ABCA8: variants seen among roughly 807,000 people sequenced by gnomAD.
ABCA8 encodes the protein ABC-type organic anion transporter ABCA8.
ABCA8 carries 177 observed loss-of-function variants against 192.3 expected under a neutral mutation model. The ratio of observed to expected loss-of-function variants is 0.92; its 90% CI spans 0.81 to 1.04. The LOEUF (loss-of-function observed/expected upper bound fraction) is 1.04, where lower values mean the gene tolerates loss of function less well. Among genes scored for constraint, ABCA8 ranks in the 50% least tolerant of loss-of-function variants. The probability of loss-of-function intolerance (pLI) is 0.00; values close to 1 mark genes in which losing one functional copy is unlikely to be tolerated. For missense variants in ABCA8, 1,915 were observed against 1,904.8 expected (o/e 1.01, Z -0.10); for synonymous variants, 642 against 690.2 (o/e 0.93, Z 1.09).
chr17:68,921,938 G>GA (rs4148020), intron 12 of ABCA8, among the ~76,000 whole-genome samples: 40 of 149,580 alleles, frequency 2.7e-4, no homozygotes, highest in African/African-American at 9.5e-4. Flanking sequence ...TGAGTTTGTA[G>GA]AAAAAAAAAC....
intron 1 of ABCA8, among the ~76,000 whole-genome samples, chr17:68,954,444 G>A (rs1189775219): frequency 6.6e-6 from 1 of 151,776 alleles, no homozygotes; most frequent in Non-Finnish European, 1.5e-5. Context: ...TCCAATTTTT[G>A]TATGTTCTGC....
chr17:68,918,500 A>G lies in ABCA8; in HGVS notation c.1835T>C (p.Val612Ala). Reference sequence around the variant, plus strand: ...TCCACCACTTAAGTTTTGAGCAAGAACATCCTGAATATTTTTCATTTCCAA... The same window carrying G: ...TCCACCACTTAAGTTTTGAGCAAGAGCATCCTGAATATTTTTCATTTCCAA... ...LELEMKNIQD[V>A]LAQNLSGGQK... Residue 612 changes from valine (V) to alanine (A), a missense_variant, in exon 15 of 40, where the codon GTT (valine) becomes GCT (alanine). Coordinates refer to ENST00000586539, the MANE Select transcript of ABCA8 (RefSeq NM_001288985.2). The G allele has an allele frequency of 6.5e-7, 1 of 1,533,836 alleles. No homozygotes were observed.
chr17:68,933,934 G>A (rs147660337), intron 5 of ABCA8, among the ~76,000 whole-genome samples: 3 of 152,032 alleles, frequency 2.0e-5, no homozygotes, highest in South Asian at 4.2e-4. Context: ...CAATAAACAC[G>A]CATGGACTCA....
Position 68,888,371 on chromosome 17 carries a change from A to AT in ABCA8, c.3145-866dup, listed in dbSNP as rs1048762190. Among the ~76,000 whole-genome samples the AT allele has an allele frequency of 4.6e-5, 7 of 152,154 alleles. No individual in the cohort carries two copies. In the South Asian group the frequency reaches 1.5e-3, roughly 32 times the overall value. ...TATTAAACTATTCTAAGAGTTGTGA[A>AT]TTTTTTTCTTTTAAAAAATACTTAA... On this transcript the variant is annotated intron_variant, in intron 24 of 39. Coordinates refer to ENST00000586539, the MANE Select transcript of ABCA8 (RefSeq NM_001288985.2).
chr17:68,907,989 T>C, intron 17 of ABCA8, 110 bp from the exon 18 acceptor site: 1 of 1,052,256 alleles, frequency 9.5e-7, no homozygotes, highest in East Asian at 3.0e-5. Context: ...TAAAATCTAA[T>C]GCCAGAAATA....
chr17:68,921,385 T>C lies in ABCA8; in HGVS notation c.1609A>G (p.Lys537Glu), dbSNP rs1205718871. ...NILSGLSVPT[K>E]GSVTIYNNKL... ...AAGAAAACAAACTAGTTTGTACCTT[T>C]GGTGGGAACAGACAACCCACTAAGA... Residue 537 changes from lysine to glutamate, a missense_variant, in exon 13 of 40, where the codon AAA becomes GAA. Physicochemically the swap from Lys to Glu is moderately conservative, Grantham distance 56 (BLOSUM62 1). Transcript: ENST00000586539. 1.9e-6 allele frequency: 3 copies of C among 1,604,680 alleles called. No homozygotes were observed. The highest frequency in any genetic ancestry group is 2.7e-5 in the African/African-American group (2 of 74,556).
At chr17:68,941,808 T>G (rs2068236801) in intron 3 of ABCA8, 131 bp downstream of exon 3, 1 of 574,602 alleles carries the variant, frequency 1.7e-6, no homozygotes, top group Non-Finnish European at 3.0e-6. Context: ...GCGTTTTCTG[T>G]TGTATAAACG....
At chr17:68,914,524 A>G (rs146915052) in intron 17 of ABCA8, among the ~76,000 whole-genome samples, 20 of 152,252 alleles carry the variant, frequency 1.3e-4, no homozygotes, top group African/African-American at 4.6e-4. Context: ...AAAAGAAATC[A>G]AGAAAGTAAT....
chr17:68,906,239 G>C (rs2067064629), intron 18 of ABCA8, 76 bp from the exon 19 acceptor site: 1 of 1,147,348 alleles, frequency 8.7e-7, no homozygotes, highest in African/African-American at 1.6e-5. Flanking sequence ...AAACTAATAA[G>C]CACAAATCTA....
chr17:68,896,350 A>G (rs562949739), intron 21 of ABCA8, among the ~76,000 whole-genome samples: 18 of 152,356 alleles, frequency 1.2e-4, no homozygotes, highest in African/African-American at 4.1e-4. Flanking sequence ...CTTTTCCTAC[A>G]AACAAGACCA....
At position 68,929,682 on chromosome 17, in the gene ABCA8, T is replaced by G; in HGVS notation, c.818A>C (p.Tyr273Ser). 1.2e-6 allele frequency: 2 copies of G among 1,613,266 alleles called. No homozygotes were observed. Among genetic ancestry groups the G allele is most frequent in the Non-Finnish European group, 1.7e-6 (2 of 1,179,654 alleles). ...GGCCATAATGAAGATGAAACCAGCA[T>G]AGAGCAAACCCCAGGAGAGCCTAAT... ...SAFWLSWGLL[Y>S]AGFIFIMALF... Residue 273 changes from tyrosine (Y) to serine (S), a missense_variant, in exon 8 of 40, where the codon TAT becomes TCT. Physicochemically the swap from Tyr to Ser is moderately radical, Grantham distance 144. Transcript: ENST00000586539.
chr17:68,870,344 A>C (rs563343982), intron 37 of ABCA8, among the ~76,000 whole-genome samples: 2 of 152,162 alleles, frequency 1.3e-5, no homozygotes, highest in East Asian at 3.9e-4. Flanking sequence ...AACCGGCCCC[A>C]TCTTGGGACA....
chr17:68,931,232 TAACCTAACCCCAATCTTC>T (rs1377076667), intron 7 of ABCA8, among the ~76,000 whole-genome samples: 1 of 152,156 alleles, frequency 6.6e-6, no homozygotes, highest in East Asian at 1.9e-4. Context: ...AATCAACCAA[TAACCTAACCCCAATCTTC>T]TTCCTTAACT....
At position 68,945,959 on chromosome 17, in the gene ABCA8, A is replaced by G. The variant is rs187086644; in HGVS notation, c.-6+3353T>C. 5.3e-5 allele frequency among the ~76,000 whole-genome samples: 8 copies of G among 152,016 alleles called. No individual in the cohort carries two copies. The East Asian group carries it at 1.5e-3, about 29-fold the overall frequency. On this transcript the variant is annotated intron_variant, in intron 2 of 39. Transcript: ENST00000586539. ...ATAATAAGCCTTCATAAATTCTAGA[A>G]CAGGTTCTTCATCTTATTTATTTTT... is the stretch of plus-strand genomic sequence containing the variant.
intron 32 of ABCA8, chr17:68,877,891 C>A: frequency 2.2e-6 from 1 of 445,564 alleles, no homozygotes. Context: ...CCAATCTCAG[C>A]TGAAAAATCC....
chr17:68,929,797 C>T (rs1176240116), intron 7 of ABCA8, 95 bp from the exon 8 acceptor site: 2 of 1,091,996 alleles, frequency 1.8e-6, no homozygotes, highest in Non-Finnish European at 1.3e-6. Flanking sequence ...TTCACTTATT[C>T]ATCCATTCAT....
At chr17:68,947,416 T>A (rs1284049795) in intron 2 of ABCA8, among the ~76,000 whole-genome samples, 1 of 152,204 alleles carries the variant, frequency 6.6e-6, no homozygotes, top group Non-Finnish European at 1.5e-5. Flanking sequence ...ATTTAATTGT[T>A]TATACAATGT....
chr17:68,876,427 C>T (rs758101837), intron 35 of ABCA8, 33 bp downstream of exon 35: 7 of 1,613,468 alleles, frequency 4.3e-6, no homozygotes, highest in East Asian at 2.2e-5. Context: ...GCAAGTCATC[C>T]GTGCTGTCCC....
At chr17:68,868,806 G>A (rs896354709) in intron 38 of ABCA8, among the ~76,000 whole-genome samples, 1 of 152,146 alleles carries the variant, frequency 6.6e-6, no homozygotes, top group African/African-American at 2.4e-5. Context: ...GTTAGGAACT[G>A]TTCTTTTGAC....
Sources: gnomAD v4.1 joint callset for allele counts (sites outside exome capture counted in the v4.1 genomes callset) on GRCh38, gnomAD v4.1.1 for gene constraint, MANE v1.5 for transcripts, NCBI Gene and HGNC (gene_info 2026-07-23, HGNC 2026-07-21) for gene names.